Variants in PDZRN4 observed in about 807,000 individuals in gnomAD.
PDZRN4 encodes the protein PDZ domain containing ring finger 4.
Under a neutral mutation model 99.0 loss-of-function variants are expected in PDZRN4, and 70 were observed. The observed-to-expected ratio is 0.71, with a 90% confidence interval of 0.58 to 0.86. PDZRN4 has a LOEUF of 0.86. Ranked by LOEUF, PDZRN4 falls within the 40% of genes least tolerant of loss-of-function variation. The probability of loss-of-function intolerance (pLI) is 0.00; values close to 1 mark genes in which losing one functional copy is unlikely to be tolerated. For missense variants in PDZRN4, 1,474 were observed against 1,331.2 expected (o/e 1.11, Z -1.67); for synonymous variants, 551 against 501.6 (o/e 1.10, Z -1.32).
chr12:41,370,557 T>C (rs1284030716), intron 3 of PDZRN4, among the ~76,000 whole-genome samples: 1 of 152,000 alleles, frequency 6.6e-6, no homozygotes, highest in African/African-American at 2.4e-5. Flanking sequence ...GATTTCTTTT[T>C]GCTTATCTGC....
At chr12:41,572,247 C>A in intron 9 of PDZRN4, 117 bp from the exon 10 acceptor site, 1 of 764,564 alleles carries the variant, frequency 1.3e-6, no homozygotes, top group Non-Finnish European at 2.1e-6. Context: ...TAAATTAGAG[C>A]AACTGTCTAG....
chr12:41,541,121 A>G (rs965405648), intron 5 of PDZRN4, among the ~76,000 whole-genome samples: 4 of 151,866 alleles, frequency 2.6e-5, no homozygotes, highest in Admixed American at 6.6e-5. Context: ...TAGTAGCAAC[A>G]GGGTTTCACC....
intron 3 of PDZRN4, among the ~76,000 whole-genome samples, chr12:41,403,684 G>A (rs1778775849): frequency 1.3e-5 from 2 of 152,132 alleles, no homozygotes; most frequent in Admixed American, 1.3e-4. Flanking sequence ...ACAATCATGA[G>A]ATTGTTTTTC....
chr12:41,256,396 T>G (rs1187190985), intron 3 of PDZRN4, among the ~76,000 whole-genome samples: 2 of 152,198 alleles, frequency 1.3e-5, no homozygotes, highest in Non-Finnish European at 2.9e-5. Flanking sequence ...AGGGAACACT[T>G]AAATACCTTT....
intron 3 of PDZRN4, among the ~76,000 whole-genome samples, chr12:41,208,083 G>C (rs998660973): frequency 6.6e-6 from 1 of 151,822 alleles, no homozygotes; most frequent in African/African-American, 2.4e-5. Flanking sequence ...GTCATCCTTA[G>C]TTCTGAGTGT....
Position 41,486,756 on chromosome 12 carries a change from AG to A in PDZRN4, c.844-19699del, listed in dbSNP as rs567085849. The stretch of plus-strand genomic sequence containing the variant: ...TCATGGGAAATCAACTCAAGGTAAA[AG>A]TCCCTGTCCACATAGTGGCCTAGGT... On this transcript the variant is annotated intron_variant, in intron 3 of 9. Transcript: ENST00000402685. Among the ~76,000 whole-genome samples the A allele has an allele frequency of 2.6e-5, 4 of 152,216 alleles. No homozygotes were observed. In the South Asian group the frequency reaches 8.3e-4, roughly 32 times the overall value.
At chr12:41,339,786 A>G (rs1951803244) in intron 3 of PDZRN4, among the ~76,000 whole-genome samples, 5 of 152,142 alleles carry the variant, frequency 3.3e-5, no homozygotes, top group Non-Finnish European at 7.4e-5. Flanking sequence ...ATTTCTCAAA[A>G]GAAGACATAC....
intron 3 of PDZRN4, among the ~76,000 whole-genome samples, chr12:41,329,440 A>G (rs565650662): frequency 6.6e-6 from 1 of 152,138 alleles, no homozygotes; most frequent in African/African-American, 2.4e-5. Context: ...TTGTCAAAGC[A>G]TGTGTTTATA....
intron 3 of PDZRN4, among the ~76,000 whole-genome samples, chr12:41,469,817 C>T (rs1163740349): frequency 6.6e-6 from 1 of 152,088 alleles, no homozygotes; most frequent in East Asian, 1.9e-4. Context: ...GTAGTCCCAG[C>T]TACTTGGGAG....
At chr12:41,371,504 C>T (rs905672536) in intron 3 of PDZRN4, among the ~76,000 whole-genome samples, 1 of 151,962 alleles carries the variant, frequency 6.6e-6, no homozygotes, top group Non-Finnish European at 1.5e-5. Context: ...CTTCTTGTCT[C>T]ATTTGAGACC....
intron 3 of PDZRN4, among the ~76,000 whole-genome samples, chr12:41,403,437 A>T (rs1245549879): frequency 6.6e-6 from 1 of 152,160 alleles, no homozygotes; most frequent in African/African-American, 2.4e-5. Flanking sequence ...TCCATCGGGA[A>T]CGTGAGAGAT....
intron 3 of PDZRN4, among the ~76,000 whole-genome samples, chr12:41,478,521 C>T (rs1394436735): frequency 6.6e-6 from 1 of 152,110 alleles, no homozygotes; most frequent in Non-Finnish European, 1.5e-5. Flanking sequence ...GAGACTATTC[C>T]TATTATAATA....
intron 3 of PDZRN4, among the ~76,000 whole-genome samples, chr12:41,429,111 A>T (rs1024024442): frequency 1.3e-5 from 2 of 152,192 alleles, no homozygotes; most frequent in African/African-American, 2.4e-5. Context: ...CAATGAATTG[A>T]TGGGTCTGAA....
intron 3 of PDZRN4, among the ~76,000 whole-genome samples, chr12:41,255,090 G>A (rs577517178): frequency 1.3e-5 from 2 of 152,226 alleles, no homozygotes; most frequent in African/African-American, 4.8e-5. Flanking sequence ...GAAAACGAAA[G>A]AGTTGGCTCC....
At chr12:41,555,241 A>AAAAAAAAAAAAAG (rs1939135516) in intron 6 of PDZRN4, among the ~76,000 whole-genome samples, 1 of 119,964 alleles carries the variant, frequency 8.3e-6, no homozygotes. Context: ...AAAAAAAAAA[A>AAAAAAAAAAAAAG]AAAAAAAAGA....
chr12:41,289,307 ACATT>A (rs538329616), intron 3 of PDZRN4, among the ~76,000 whole-genome samples: 1 of 152,214 alleles, frequency 6.6e-6, no homozygotes, highest in Non-Finnish European at 1.5e-5. Flanking sequence ...CTCATTTTAA[ACATT>A]CAAACTAATT....
chr12:41,464,326 T>C (rs1370359329), intron 3 of PDZRN4, among the ~76,000 whole-genome samples: 1 of 152,060 alleles, frequency 6.6e-6, no homozygotes, highest in African/African-American at 2.4e-5. Flanking sequence ...ACAGCTCTTA[T>C]ATATTGATCA....
rs972764898 is a variant in PDZRN4, at chr12:41,574,334, G to A, written c.*444G>A. On this transcript the variant is annotated 3_prime_UTR_variant, in exon 10 of 10. Coordinates refer to ENST00000402685, the MANE Select transcript of PDZRN4 (RefSeq NM_001164595.2). ...AATACATTTTAAATCAAACCTGTTCGTAATAAATCATGTGCCACATCTTGT... is the reference window on the plus strand; with the variant it reads ...AATACATTTTAAATCAAACCTGTTCATAATAAATCATGTGCCACATCTTGT... 8.5e-5 allele frequency: 13 copies of A among 153,230 alleles called. No individual in the cohort carries two copies. Among genetic ancestry groups the A allele is most frequent in the South Asian group, 4.1e-4 (2 of 4,848 alleles). 9.5% of individuals were successfully genotyped at this position (153,230 alleles called of 1,614,324 possible).
chr12:41,393,472 A>G (rs1217625129), intron 3 of PDZRN4, among the ~76,000 whole-genome samples: 1 of 151,310 alleles, frequency 6.6e-6, no homozygotes, highest in African/African-American at 2.4e-5. Flanking sequence ...TTAGGGTCTT[A>G]TGAGCTCAGG....
Sources: allele counts gnomAD v4.1 joint callset (sites outside exome capture counted in the v4.1 genomes callset), GRCh38; gene constraint gnomAD v4.1.1; transcripts MANE v1.5; gene names NCBI Gene and HGNC (gene_info 2026-07-23, HGNC 2026-07-21).